SPG11: variants seen among roughly 807,000 people sequenced by gnomAD.
The protein encoded by SPG11 is spatacsin.
Under a neutral mutation model 274.0 loss-of-function variants are expected in SPG11, and 222 were observed. That is an observed-to-expected ratio of 0.81 (90% CI 0.73 to 0.91). SPG11 has a LOEUF of 0.91. Among genes scored for constraint, SPG11 ranks in the 40% least tolerant of loss-of-function variants. The pLI is 0.00. For missense variants in SPG11, 3,114 were observed against 2,872.7 expected, an observed-to-expected ratio of 1.08 and a Z score of -1.92; for synonymous variants, 1,144 against 1,039.7, an observed-to-expected ratio of 1.10 and a Z score of -1.93.
chr15:44,662,900 C>A (rs1311950674), intron 1 of SPG11, among the ~76,000 whole-genome samples: 1 of 152,154 alleles, frequency 6.6e-6, no homozygotes, highest in Non-Finnish European at 1.5e-5. Flanking sequence ...AATGAAGGGA[C>A]AAACTGGACT....
chr15:44,597,107 ATTCTTT>A, intron 23 of SPG11, 164 bp from the exon 24 acceptor site: 2 of 464,180 alleles, frequency 4.3e-6, no homozygotes, highest in Admixed American at 3.6e-5. Flanking sequence ...AAAAAAGTAG[ATTCTTT>A]TTTTTTTTTT....
intron 3 of SPG11, among the ~76,000 whole-genome samples, 165 bp downstream of exon 3, chr15:44,658,914 T>C (rs2085018849): frequency 6.6e-6 from 1 of 152,240 alleles, no homozygotes; most frequent in Admixed American, 6.5e-5. Context: ...CAATATACAA[T>C]TTAGTATTTT....
At chr15:44,598,456 G>A in intron 22 of SPG11, 83 bp from the exon 23 acceptor site, 1 of 1,359,536 alleles carries the variant, frequency 7.4e-7, no homozygotes. Flanking sequence ...GTGGCTCAGG[G>A]CCATTTCAGA....
chr15:44,624,621 TTAA>T (rs1290545372), intron 11 of SPG11, among the ~76,000 whole-genome samples: 2 of 152,158 alleles, frequency 1.3e-5, no homozygotes, highest in African/African-American at 4.8e-5. Flanking sequence ...GTAACTAAAG[TTAA>T]TAATAATACA....
rs1219460119 is a variant in SPG11, at chr15:44,595,231, T to C, written c.4635+28A>G. 2.5e-6 allele frequency: 4 copies of C among 1,607,292 alleles called. No individual in the cohort carries two copies. In the African/African-American group the frequency reaches 5.3e-5, roughly 21 times the overall value. On this transcript the variant is annotated intron_variant, in intron 26 of 39. Transcript: ENST00000261866. ...TATGCTGAAGTAATCTCTTAAGCTC[T>C]GGAAAGAAGTGAAGCAACTATCACT...
In SPG11 at chr15:44,648,906, T is replaced by C. The variant is rs143528472; in HGVS notation, c.1562A>G (p.Asn521Ser). 60 of 1,614,020 alleles carry C rather than the reference T, an allele frequency of 3.7e-5. No homozygotes were observed. The highest frequency in any genetic ancestry group is 2.4e-4 in the African/African-American group (18 of 74,934). The change falls in exon 7 of 40, where the codon AAT becomes AGT. Residue 521 changes from asparagine (N) to serine (S), a missense_variant. By Grantham distance (46) the Asn-to-Ser change is conservative. Coordinates refer to ENST00000261866, the MANE Select transcript of SPG11 (RefSeq NM_025137.4). ...GGGAATTGAGCACCTTCCCCAGCCATTGAGATGACAAAGAGTGTCCACAGT... is the reference window on the plus strand; with the variant it reads ...GGGAATTGAGCACCTTCCCCAGCCACTGAGATGACAAAGAGTGTCCACAGT... ...ASTVDTLCHL[N>S]GWGRCSIPIH... is the part of the protein sequence containing the mutation.
chr15:44,658,521 C>T (rs1333759038), intron 3 of SPG11, among the ~76,000 whole-genome samples: 4 of 150,736 alleles, frequency 2.7e-5, no homozygotes, highest in African/African-American at 7.3e-5. Context: ...TGCAGTGGTA[C>T]GATCTTGGCT....
chr15:44,657,325 A>T (rs2084970349), intron 3 of SPG11, 29 bp from the exon 4 acceptor site: 5 of 1,602,044 alleles, frequency 3.1e-6, no homozygotes, highest in Non-Finnish European at 4.3e-6. Flanking sequence ...AGAAAATGCC[A>T]GTTTTGTAAG....
Position 44,608,504 on chromosome 15 carries a change from G to C in SPG11, c.3393C>G (p.Phe1131Leu). The change falls in exon 19 of 40, where the codon TTC becomes TTG. Residue 1131 changes from phenylalanine (F) to leucine (L), a missense_variant. Transcript: ENST00000261866. ...TPYPKLKTAL[F>L]PQCTPPSVLP... ...GGACACTAGGAGGAGTGCACTGTGG[G>C]AAGAGAGCAGTTTTTAGCTTGGGGT... is the stretch of plus-strand genomic sequence containing the variant. 2 of 1,614,130 alleles carry C rather than the reference G, an allele frequency of 1.2e-6. No individual in the cohort carries two copies. The highest frequency in any genetic ancestry group is 1.7e-6 in the Non-Finnish European group (2 of 1,180,010).
intron 7 of SPG11, among the ~76,000 whole-genome samples, chr15:44,641,205 G>GA (rs2084429588): frequency 6.6e-6 from 1 of 152,122 alleles, no homozygotes. Flanking sequence ...TGAGGCAGGA[G>GA]AATGGCTTGA....
At chr15:44,605,847 AT>A (rs773319977) in intron 20 of SPG11, among the ~76,000 whole-genome samples, 177 bp downstream of exon 20, 22 of 152,262 alleles carry the variant, frequency 1.4e-4, no homozygotes, top group Non-Finnish European at 2.9e-4. Context: ...AACCTAATAC[AT>A]TCACTTTTAA....
At chr15:44,572,305 ATAAAC>A (rs573732763) in intron 33 of SPG11, among the ~76,000 whole-genome samples, 146 of 152,382 alleles carry the variant, frequency 9.6e-4, no homozygotes, top group Admixed American at 2.7e-3. Flanking sequence ...ATTATGGAAA[ATAAAC>A]AGGCTTTGAA....
Position 44,598,611 on chromosome 15 carries a change from C to T in SPG11, c.3892+20G>A. 6.2e-7 allele frequency: 1 copy of T among 1,609,596 alleles called. No individual in the cohort carries two copies. The highest frequency in any genetic ancestry group is 8.5e-7 in the Non-Finnish European group (1 of 1,176,248). The stretch of plus-strand genomic sequence containing the variant: ...TCACACCTTCTCTAAACAAAGCAGG[C>T]CAGATAAAAGGTGCTGTACCTACAG... On this transcript the variant is annotated intron_variant, in intron 22 of 39. Transcript: ENST00000261866.
At chr15:44,617,952 A>C (rs1037858310) in intron 15 of SPG11, among the ~76,000 whole-genome samples, 2 of 152,040 alleles carry the variant, frequency 1.3e-5, no homozygotes, top group Admixed American at 1.3e-4. Context: ...CTGGGATTAC[A>C]GGTGTGAGCC....
At chr15:44,589,143 G>GT (rs567842621) in intron 28 of SPG11, 109 bp downstream of exon 28, 192 of 1,138,920 alleles carry the variant, frequency 1.7e-4, no homozygotes, top group Non-Finnish European at 2.4e-4. Context: ...GTTGTAGACT[G>GT]TAAGTTAATG....
Position 44,651,923 on chromosome 15 carries a change from G to A in SPG11, c.1024C>T (p.Leu342=). Residue 342 remains leucine (L), a synonymous_variant, in exon 6 of 40, where the codon CTA becomes TTA. Coordinates refer to ENST00000261866, the MANE Select transcript of SPG11 (RefSeq NM_025137.4). ...FQIDRSWKAQ[L]SSLNETIKNS... is the part of the protein sequence containing the mutation. ...TTTATTGTTTCATTCAATGATGATA[G>A]CTGGGCTTTCCAAGACCTGGAAACA... 6.2e-7 allele frequency: 1 copy of A among 1,611,288 alleles called. No individual in the cohort carries two copies. Among genetic ancestry groups the A allele is most frequent in the South Asian group, 1.1e-5 (1 of 90,572 alleles).
intron 14 of SPG11, 114 bp downstream of exon 14, chr15:44,621,645 A>T: frequency 9.6e-7 from 1 of 1,045,788 alleles, no homozygotes. Context: ...AAAGAACCTG[A>T]ATATTATTTC....
chr15:44,654,889 C>A (rs1595932358), intron 4 of SPG11, among the ~76,000 whole-genome samples: 1 of 152,128 alleles, frequency 6.6e-6, no homozygotes. Context: ...AATGTACACA[C>A]TTACGGACTG....
intron 28 of SPG11, among the ~76,000 whole-genome samples, chr15:44,586,138 C>A (rs1220780269): frequency 6.6e-6 from 1 of 151,682 alleles, no homozygotes; most frequent in African/African-American, 2.4e-5. Flanking sequence ...GTGTACACCA[C>A]CACACCTGGC....
Sources: allele counts gnomAD v4.1 joint callset (sites outside exome capture counted in the v4.1 genomes callset), GRCh38; gene constraint gnomAD v4.1.1; transcripts MANE v1.5; gene names NCBI Gene and HGNC (gene_info 2026-07-23, HGNC 2026-07-21).